Variants in ULK1 observed in about 807,000 individuals in gnomAD.
ULK1 encodes the protein unc-51 like autophagy activating kinase 1.
A neutral mutation model predicts 117.5 loss-of-function variants in ULK1; 48 were observed. The observed-to-expected ratio is 0.41, with a 90% CI of 0.32 to 0.52. ULK1 has a LOEUF of 0.52. ULK1 is among the 20% of genes least tolerant of loss of function. The pLI, the probability that ULK1 is intolerant of heterozygous loss-of-function variation, is 0.29. For missense variants in ULK1, 1,387 were observed against 1,473.4 expected, an observed-to-expected ratio of 0.94 and a Z score of 0.96; for synonymous variants, 790 against 637.8, an observed-to-expected ratio of 1.24 and a Z score of -3.60.
intron 3 of ULK1, among the ~76,000 whole-genome samples, chr12:131,901,737 G>A (rs115583243): frequency 0.013 from 1,993 of 152,254 alleles, 34 homozygotes; most frequent in African/African-American, 0.046. Flanking sequence ...GTATCTGTCC[G>A]CGATGGCTGG....
chr12:131,919,132 CG>C lies in ULK1; in HGVS notation c.2512-79del, dbSNP rs933978530. The C allele has an allele frequency of 5.5e-6, 8 of 1,463,820 alleles. No homozygotes were observed. The African/African-American group carries it at 9.8e-5, about 18-fold the overall frequency. 90.7% of individuals were successfully genotyped at this position (1,463,820 alleles called of 1,614,324 possible). A position where few individuals can be genotyped will look rare whatever the true frequency, so the allele number is the denominator to read the frequency against. ...GGTACCCTGCCCTGCCTCCCCAAGG[CG>C]TCATCGGTGAGTCTGAAGGGAGACA... is the stretch of plus-strand genomic sequence containing the variant. On this transcript the variant is annotated intron_variant, in intron 23 of 27. Transcript: ENST00000321867.
At chr12:131,910,062 G>A in intron 10 of ULK1, 61 bp downstream of exon 10, 1 of 1,596,732 alleles carries the variant, frequency 6.3e-7, no homozygotes, top group Admixed American at 1.7e-5. Context: ...ATTTGCTGAT[G>A]TGAGCAGGGC....
intron 25 of ULK1, 67 bp from the exon 26 acceptor site, chr12:131,919,912 A>T (rs973928814): frequency 1.3e-6 from 2 of 1,575,702 alleles, no homozygotes; most frequent in South Asian, 2.3e-5. Flanking sequence ...CACCGGGCAG[A>T]TCATGGCCAC....
At chr12:131,908,276 G>A (rs1165882708) in intron 5 of ULK1, among the ~76,000 whole-genome samples, 1 of 152,094 alleles carries the variant, frequency 6.6e-6, no homozygotes, top group African/African-American at 2.4e-5. Context: ...TGAGACTGGG[G>A]CTGCGGGTCG....
chr12:131,901,588 C>A (rs964394647), intron 3 of ULK1, among the ~76,000 whole-genome samples: 2 of 152,192 alleles, frequency 1.3e-5, no homozygotes, highest in African/African-American at 4.8e-5. Flanking sequence ...TTCCCACACG[C>A]TCCCTTTGCC....
At chr12:131,917,602 G>A in intron 22 of ULK1, 48 bp downstream of exon 22, 1 of 1,337,046 alleles carries the variant, frequency 7.5e-7, no homozygotes, top group South Asian at 2.2e-5. Flanking sequence ...GGTGGTGGCA[G>A]CGCCCTAGCG....
rs1410766798 is a variant in ULK1, at chr12:131,895,704, G to A, written c.204+11G>A. The A allele has an allele frequency of 2.5e-6, 4 of 1,614,012 alleles. No individual in the cohort carries two copies. Among genetic ancestry groups the A allele is most frequent in the Non-Finnish European group, 3.4e-6 (4 of 1,179,990 alleles). ...ATCAAAATCCTGAAGGTGAGCCAGT[G>A]CTGGGGGAGGGGGCGTGGGCGTGGG... On this transcript the variant is annotated intron_variant, in intron 2 of 27. Coordinates refer to ENST00000321867, the MANE Select transcript of ULK1 (RefSeq NM_003565.4).
At chr12:131,914,219 G>A (rs948535340) in intron 15 of ULK1, 133 bp from the exon 16 acceptor site, 34 of 1,401,652 alleles carry the variant, frequency 2.4e-5, no homozygotes, top group Non-Finnish European at 3.2e-5. Flanking sequence ...TTCAGACCTG[G>A]CATGGGTCTC....
rs1376818668 is a variant in ULK1 at position 131,917,041 on chromosome 12, CAGG to C, written c.2164_2166del (p.Glu722del). On this transcript the variant is annotated inframe_deletion, in exon 21 of 28. Coordinates refer to ENST00000321867, the MANE Select transcript of ULK1 (RefSeq NM_003565.4). ...GGACCCGGGCAGCACGGAGAGCCTG[CAGG>C]AGAAGCCCATGGAGATCGGTGTGTG... The C allele has an allele frequency of 9.7e-6, 14 of 1,437,858 alleles. No individual in the cohort carries two copies. The highest frequency in any genetic ancestry group is 1.2e-5 in the Non-Finnish European group (13 of 1,077,932). 89.1% of individuals were successfully genotyped at this position (1,437,858 alleles called of 1,614,324 possible).
At position 131,922,245 on chromosome 12, in the gene ULK1, G is replaced by A; in HGVS notation, c.*884G>A. On this transcript the variant is annotated 3_prime_UTR_variant, in exon 28 of 28. Coordinates refer to ENST00000321867, the MANE Select transcript of ULK1 (RefSeq NM_003565.4). ...GGAGGGCGAGGACTGGGCCAGGTTA[G>A]AGGCAGATGGCACAGGGGCGTGTGG... 2.8e-6 allele frequency: 1 copy of A among 357,028 alleles called. No individual in the cohort carries two copies. Among genetic ancestry groups the A allele is most frequent in the Non-Finnish European group, 5.6e-6 (1 of 179,012 alleles). The allele number at this position is 357,028 out of a possible 1,614,324, so 22.1% of individuals were successfully genotyped here. A position where few individuals can be genotyped will look rare whatever the true frequency, so the allele number is the denominator to read the frequency against.
intron 4 of ULK1, 81 bp downstream of exon 4, chr12:131,907,005 G>T (rs1301367859): frequency 8.8e-6 from 14 of 1,592,028 alleles, no homozygotes; most frequent in Non-Finnish European, 1.2e-5. Flanking sequence ...CATGGCTGGG[G>T]GGAGGGTGAT....
In ULK1 at chr12:131,922,349, G is replaced by A; in HGVS notation, c.*988G>A. 3.2e-6 allele frequency: 1 copy of A among 309,782 alleles called. No homozygotes were observed. The highest frequency in any genetic ancestry group is 2.6e-5 in the South Asian group (1 of 38,568). The allele number at this position is 309,782 out of a possible 1,614,324, so 19.2% of individuals were successfully genotyped here. A position where few individuals can be genotyped will look rare whatever the true frequency, so the allele number is the denominator to read the frequency against. On this transcript the variant is annotated 3_prime_UTR_variant, in exon 28 of 28. Transcript: ENST00000321867. ...CCTCCCTGTGGCAGCAGCAGGACAG[G>A]TGTGTGCCCAGCACCCTCCCTACCT...
In ULK1 at chr12:131,919,493, G is replaced by T. The variant is rs144247950; in HGVS notation, c.2706G>T (p.Leu902=). 61 of 1,611,682 alleles carry T rather than the reference G, an allele frequency of 3.8e-5. No homozygotes were observed. Among genetic ancestry groups the T allele is most frequent in the Middle Eastern group, 1.6e-4 (1 of 6,078 alleles). The change falls in exon 25 of 28, where the codon CTG becomes CTT. Residue 902 remains leucine, a synonymous_variant. Transcript: ENST00000321867. The part of the protein sequence containing the change: ...REWGFAEQLV[L]YLKVAELLSS... The stretch of plus-strand genomic sequence containing the variant: ...CCAGCTTCGCGGAACAGCTGGTGCT[G>T]TACCTGAAGGTGGCCGAGCTACTGT...
At chr12:131,908,559 T>A (rs1427557481) in intron 5 of ULK1, 85 bp from the exon 6 acceptor site, 1 of 1,391,628 alleles carries the variant, frequency 7.2e-7, no homozygotes, top group African/African-American at 1.5e-5. Context: ...TCTCCATCCG[T>A]GTGGCGGGAC....
intron 11 of ULK1, 142 bp from the exon 12 acceptor site, chr12:131,910,570 G>A (rs1889487602): frequency 1.3e-6 from 2 of 1,545,354 alleles, no homozygotes; most frequent in East Asian, 2.3e-5. Context: ...TGGCCCAGGA[G>A]GGAGCCTCCC....
chr12:131,920,500 G>T, intron 26 of ULK1: 1 of 267,316 alleles, frequency 3.7e-6, no homozygotes, highest in Non-Finnish European at 7.2e-6. Context: ...GTGGTACCAC[G>T]GGCAAAGACT....
rs1179754548 is a variant in ULK1, at chr12:131,919,314, G to A, written c.2614G>A (p.Gly872Arg). Residue 872 changes from glycine (G) to arginine (R), a missense_variant, in exon 24 of 28, where the codon GGG becomes AGG. Physicochemically the swap from Gly to Arg is moderately radical, Grantham distance 125. Around this residue, in one of 4 missense-constraint regions of ULK1, gnomAD observed 900 missense variants for 858.9 expected, o/e 1.05. Transcript: ENST00000321867. ...GAAGGGCAGCGCCAGTGAGGCGGCGGGGGGCCCTGAGTACCAGCTGCAGGA... is the reference window on the plus strand; with the variant it reads ...GAAGGGCAGCGCCAGTGAGGCGGCGAGGGGCCCTGAGTACCAGCTGCAGGA... ...ALKGSASEAA[G>R]GPEYQLQESV... is the part of the protein sequence containing the mutation. The A allele has an allele frequency of 1.3e-6, 2 of 1,590,154 alleles. No individual in the cohort carries two copies. The highest frequency in any genetic ancestry group is 2.2e-5 in the East Asian group (1 of 44,580).
intron 21 of ULK1, 35 bp downstream of exon 21, chr12:131,917,097 T>TCGGGGGGAGCTCTGTGGGAC: frequency 2.3e-6 from 1 of 441,858 alleles, no homozygotes; most frequent in South Asian, 3.7e-5. Context: ...GGCTGTGGGA[T>TCGGGGGGAGCTCTGTGGGAC]GGGGGTCGGA....
rs756709056 is a variant in ULK1, at chr12:131,917,590, G to A, written c.2326+36G>A. The A allele has an allele frequency of 8.8e-6, 12 of 1,358,158 alleles. No individual in the cohort carries two copies. The South Asian group carries it at 2.5e-4, about 28-fold the overall frequency. The allele number at this position is 1,358,158 out of a possible 1,614,324, so 84.1% of individuals were successfully genotyped here. A position where few individuals can be genotyped will look rare whatever the true frequency, so the allele number is the denominator to read the frequency against. ...GCTAGGCTGAAGCCCTGTCCCTTTTGGGGTGGTGGCAGCGCCCTAGCGGAC... is the reference window on the plus strand; with the variant it reads ...GCTAGGCTGAAGCCCTGTCCCTTTTAGGGTGGTGGCAGCGCCCTAGCGGAC... On this transcript the variant is annotated intron_variant, in intron 22 of 27. Coordinates refer to ENST00000321867, the MANE Select transcript of ULK1 (RefSeq NM_003565.4).
Sources: gnomAD v4.1 joint callset for allele counts (sites outside exome capture counted in the v4.1 genomes callset) on GRCh38, gnomAD v4.1.1 for gene constraint, gnomAD v4.1.1 regional missense constraint, MANE v1.5 for transcripts, NCBI Gene and HGNC (gene_info 2026-07-23, HGNC 2026-07-21) for gene names.